The following FCHSD1 variants were observed in gnomAD, a reference collection of about 807,000 sequenced individuals.
FCHSD1 encodes the protein FCH and double SH3 domains 1, also known as F-BAR and double SH3 domains protein 1.
In FCHSD1, 109 loss-of-function variants were observed where a neutral mutation model predicts 101.3. The observed-to-expected ratio is 1.08, with a 90% confidence interval of 0.92 to 1.26. FCHSD1 has a LOEUF of 1.26. Among genes scored for constraint, FCHSD1 ranks in the 50% most tolerant of loss-of-function variants. FCHSD1 has a pLI of 0.00. For missense variants in FCHSD1, 820 were observed against 895.8 expected, an observed-to-expected ratio of 0.92 and a Z score of 1.08; for synonymous variants, 291 against 356.8, an observed-to-expected ratio of 0.82 and a Z score of 2.08.
Position 141,640,854 on chromosome 5 carries a change from T to G in FCHSD1, c.*644A>C. 2 of 601,220 alleles carry G rather than the reference T, an allele frequency of 3.3e-6. No homozygotes were observed. The highest frequency in any genetic ancestry group is 5.8e-6 in the Non-Finnish European group (2 of 344,656). 37.2% of individuals were successfully genotyped at this position (601,220 alleles called of 1,614,324 possible). ...GTCACAGCCCCTCAGTCTCTTCTCC[T>G]TCCCCTGCCTGCAACAGGCTGCCTG... On this transcript the variant is annotated 3_prime_UTR_variant, in exon 20 of 20. Coordinates refer to ENST00000435817, the MANE Select transcript of FCHSD1 (RefSeq NM_033449.3).
At position 141,640,869 on chromosome 5, in the gene FCHSD1, C is replaced by CA. The variant is rs573268180; in HGVS notation, c.*628dup. On this transcript the variant is annotated 3_prime_UTR_variant, in exon 20 of 20. Transcript: ENST00000435817. The stretch of plus-strand genomic sequence containing the variant: ...TCTCTTCTCCTTCCCCTGCCTGCAA[C>CA]AGGCTGCCTGCCCCGCCTTCCCCAA... 1.4e-4 allele frequency: 82 copies of CA among 593,196 alleles called. No homozygotes were observed. The African/African-American group carries it at 1.4e-3, about 10-fold the overall frequency. The allele number at this position is 593,196 out of a possible 1,614,324, so 36.7% of individuals were successfully genotyped here. A position where few individuals can be genotyped will look rare whatever the true frequency, so the allele number is the denominator to read the frequency against.
intron 18 of FCHSD1, chr5:141,642,613 G>A (rs915699182): frequency 3.1e-5 from 17 of 544,900 alleles, no homozygotes; most frequent in Non-Finnish European, 5.1e-5. Context: ...AGGAGCAAAA[G>A]GTGCATATTG....
chr5:141,645,036 A>G lies in FCHSD1; in HGVS notation c.1424T>C (p.Val475Ala). ...CATTCATACCTGATAGCGAAATACC[A>G]CGTGTGCAGGGCAGGGGAGGGCCCT... is the stretch of plus-strand genomic sequence containing the variant. ...ATRALPCPAHVVFRYQAGRED... is the reference protein window; with the variant it reads ...ATRALPCPAHAVFRYQAGRED... The change falls in exon 14 of 20, where the codon GTG becomes GCG. Residue 475 changes from valine (V) to alanine (A), a missense_variant. Transcript: ENST00000435817. The G allele has an allele frequency of 6.2e-7, 1 of 1,609,194 alleles. No individual in the cohort carries two copies.
intron 18 of FCHSD1, chr5:141,642,399 A>G (rs2099907027): frequency 2.9e-6 from 2 of 694,502 alleles, no homozygotes; most frequent in African/African-American, 3.5e-5. Context: ...AAAATTACCT[A>G]TCAGGTACAA....
intron 18 of FCHSD1, 50 bp downstream of exon 18, chr5:141,642,950 TC>T (rs1346939689): frequency 1.3e-6 from 2 of 1,524,344 alleles, no homozygotes; most frequent in African/African-American, 2.8e-5. Context: ...CCAAGCTTCC[TC>T]CTTCTTCCTG....
Position 141,640,214 on chromosome 5 carries a change from CGGAGGGAG to C in FCHSD1, c.*1276_*1283del. ...CTTCTGCAGAGCCAACACTGAGGGC[CGGAGGGAG>C]GGGCCCAAGCCCAGGGCTGCCCACT... On this transcript the variant is annotated 3_prime_UTR_variant, in exon 20 of 20. Transcript: ENST00000435817. 6.2e-7 allele frequency: 1 copy of C among 1,614,134 alleles called. No homozygotes were observed. Among genetic ancestry groups the C allele is most frequent in the African/African-American group, 1.3e-5 (1 of 75,056 alleles).
chr5:141,645,662 A>G, intron 13 of FCHSD1, 109 bp downstream of exon 13: 2 of 1,315,066 alleles, frequency 1.5e-6, no homozygotes, highest in Non-Finnish European at 2.1e-6. Flanking sequence ...AAGCCTCGTA[A>G]TAACCCTTTG....
intron 2 of FCHSD1, 108 bp downstream of exon 2, chr5:141,650,912 G>T: frequency 9.3e-7 from 1 of 1,072,488 alleles, no homozygotes; most frequent in Non-Finnish European, 1.4e-6. Flanking sequence ...GGATGGGTCG[G>T]CTGGGGAGCT....
intron 2 of FCHSD1, 85 bp from the exon 3 acceptor site, chr5:141,650,489 CA>C: frequency 1.9e-6 from 3 of 1,564,432 alleles, no homozygotes; most frequent in Non-Finnish European, 2.6e-6. Context: ...CTACTCTGGG[CA>C]GGAGGGAGCG....
At chr5:141,647,373 A>G (rs958972956) in intron 9 of FCHSD1, 25 bp downstream of exon 9, 4 of 1,579,008 alleles carry the variant, frequency 2.5e-6, no homozygotes, top group Admixed American at 1.9e-5. Flanking sequence ...TCCCCGGGGA[A>G]GCTCTTAGAG....
chr5:141,641,904 C>A, intron 18 of FCHSD1, 147 bp from the exon 19 acceptor site: 1 of 817,864 alleles, frequency 1.2e-6, no homozygotes, highest in South Asian at 1.6e-5. Context: ...TATCCACTGT[C>A]CTCAACATTT....
In FCHSD1 at chr5:141,644,568, C is replaced by T. The variant is rs190018708; in HGVS notation, c.1642+5G>A. On this transcript the variant is annotated splice_donor_5th_base_variant and intron_variant, in intron 16 of 19. Transcript: ENST00000435817. The stretch of plus-strand genomic sequence containing the variant: ...GTCCTCTAACCCAAAATTTCCCTTT[C>T]TTACCTGTGGGCTCTGCCCCGCAGG... 5.0e-5 allele frequency: 81 copies of T among 1,613,746 alleles called. No homozygotes were observed. In the Admixed American group the frequency reaches 5.2e-4, roughly 10 times the overall value.
intron 17 of FCHSD1, 103 bp from the exon 18 acceptor site, chr5:141,643,191 C>G: frequency 1.1e-6 from 1 of 874,486 alleles, no homozygotes; most frequent in Non-Finnish European, 1.6e-6. Context: ...CTTCTCAATA[C>G]AGGAAGTGGC....
chr5:141,650,282 G>T (rs2154598515), intron 3 of FCHSD1, 77 bp downstream of exon 3: 1 of 1,578,930 alleles, frequency 6.3e-7, no homozygotes, highest in East Asian at 2.2e-5. Flanking sequence ...CCACAATAGG[G>T]ATAGGTATGG....
chr5:141,641,285 G>A lies in FCHSD1; in HGVS notation c.*213C>T. ...TAGGGTCATGACAGAAGAGAAGGTAGTTCCGGTCCTAGAGATGATAGAACA... is the reference window on the plus strand; with the variant it reads ...TAGGGTCATGACAGAAGAGAAGGTAATTCCGGTCCTAGAGATGATAGAACA... On this transcript the variant is annotated 3_prime_UTR_variant, in exon 20 of 20. Coordinates refer to ENST00000435817, the MANE Select transcript of FCHSD1 (RefSeq NM_033449.3). The A allele has an allele frequency of 2.1e-6, 1 of 481,914 alleles. No homozygotes were observed. Among genetic ancestry groups the A allele is most frequent in the East Asian group, 3.1e-5 (1 of 32,298 alleles). 29.9% of individuals were successfully genotyped at this position (481,914 alleles called of 1,614,324 possible).
At chr5:141,644,791 T>C (rs1173098952) in intron 15 of FCHSD1, 68 bp downstream of exon 15, 1 of 1,603,988 alleles carries the variant, frequency 6.2e-7, no homozygotes, top group African/African-American at 1.3e-5. Context: ...GAAGGGTCTA[T>C]GGAGGCCACA....
In FCHSD1 at chr5:141,639,456, C is replaced by G; in HGVS notation, c.*2042G>C. Reference sequence around the variant, plus strand: ...GTTACCCTCACTCCCCTCCTCCCTGCTGTCCAGTGTGGATGCCACCTCCAG... The same window carrying G: ...GTTACCCTCACTCCCCTCCTCCCTGGTGTCCAGTGTGGATGCCACCTCCAG... On this transcript the variant is annotated 3_prime_UTR_variant, in exon 20 of 20. Coordinates refer to ENST00000435817, the MANE Select transcript of FCHSD1 (RefSeq NM_033449.3). This position sits in a 1 kb window ranked among gnomAD's most constrained non-coding sequence, Gnocchi z 4.4. The G allele has an allele frequency of 6.2e-7, 1 of 1,600,704 alleles. No homozygotes were observed. Among genetic ancestry groups the G allele is most frequent in the Admixed American group, 1.7e-5 (1 of 58,246 alleles).
In FCHSD1 at chr5:141,640,285, C is replaced by G; in HGVS notation, c.*1213G>C. The G allele has an allele frequency of 6.2e-7, 1 of 1,613,856 alleles. No individual in the cohort carries two copies. The highest frequency in any genetic ancestry group is 8.5e-7 in the Non-Finnish European group (1 of 1,179,856). ...GGGCAGCCAAGCAAACCAGACACTT[C>G]TGATCACCAGGTAGGAAAACACAGC... On this transcript the variant is annotated 3_prime_UTR_variant, in exon 20 of 20. Coordinates refer to ENST00000435817, the MANE Select transcript of FCHSD1 (RefSeq NM_033449.3).
intron 8 of FCHSD1, 199 bp from the exon 9 acceptor site, chr5:141,647,719 C>G: frequency 2.0e-6 from 2 of 982,594 alleles, no homozygotes; most frequent in Non-Finnish European, 1.5e-6. Flanking sequence ...TTGAGCCCCA[C>G]TAGTGCTATA....
Sources: gnomAD v4.1 joint callset for allele counts on GRCh38, gnomAD v4.1.1 for gene constraint, Gnocchi (gnomAD v3.1) non-coding constraint, MANE v1.5 for transcripts, NCBI Gene and HGNC (gene_info 2026-07-23, HGNC 2026-07-21) for gene names.